CSMD1: variants seen among roughly 807,000 people sequenced by gnomAD.
The protein encoded by CSMD1 is CUB and sushi domain-containing protein 1.
A neutral mutation model predicts 417.5 loss-of-function variants in CSMD1; 213 were observed. The ratio of observed to expected loss-of-function variants is 0.51; its 90% confidence interval spans 0.46 to 0.57. CSMD1 has a LOEUF of 0.57. CSMD1 is among the 20% of genes least tolerant of loss of function. The probability of loss-of-function intolerance (pLI) is 0.00; values close to 1 mark genes in which losing one functional copy is unlikely to be tolerated. For synonymous variants in CSMD1, 2,862 were observed against 1,736.8 expected (o/e 1.65, Z -16.11); for missense variants, 6,923 against 4,529.7 (o/e 1.53, Z -15.17).
At chr8:3,784,757 T>C (rs530397535) in intron 5 of CSMD1, among the ~76,000 whole-genome samples, 66 of 152,302 alleles carry the variant, frequency 4.3e-4, no homozygotes, top group African/African-American at 1.5e-3. Context: ...CTAAGTAAAA[T>C]AAGATACAAT....
chr8:3,969,892 T>C (rs759980687), intron 5 of CSMD1, among the ~76,000 whole-genome samples: 1 of 152,120 alleles, frequency 6.6e-6, no homozygotes, highest in Non-Finnish European at 1.5e-5. Context: ...AAGCTCTGGA[T>C]AATTTGCAAA....
intron 5 of CSMD1, among the ~76,000 whole-genome samples, chr8:3,775,270 A>C (rs2720762): frequency 0.29 from 44,400 of 152,068 alleles, 7,927 homozygotes; most frequent in African/African-American, 0.51. Context: ...TGGAAGATTT[A>C]AAGACAGTGA....
At chr8:3,726,619 G>A (rs550676426) in intron 6 of CSMD1, among the ~76,000 whole-genome samples, 8 of 152,166 alleles carry the variant, frequency 5.3e-5, no homozygotes, top group Non-Finnish European at 5.9e-5. Context: ...TGTTACGAGG[G>A]TAGGTACATC....
At chr8:4,945,116 C>G (rs996025844) in intron 1 of CSMD1, among the ~76,000 whole-genome samples, 1 of 152,076 alleles carries the variant, frequency 6.6e-6, no homozygotes. Context: ...GGACCTCAAG[C>G]ACAATATAAT....
chr8:4,149,312 C>T lies in CSMD1; in HGVS notation c.416-117213G>A, dbSNP rs557989049. On this transcript the variant is annotated intron_variant, in intron 3 of 69. Coordinates refer to ENST00000635120, the MANE Select transcript of CSMD1 (RefSeq NM_033225.6). ...AAGTAAAGATAAGCTTTCACATATT[C>T]ACTGAGAATTTTTAAAACATCACTC... Among the ~76,000 whole-genome samples, 72 of 152,232 alleles carry T rather than the reference C, an allele frequency of 4.7e-4. No individual in the cohort carries two copies. The South Asian group carries it at 0.015, about 31-fold the overall frequency.
At chr8:3,911,506 C>G (rs1350410793) in intron 5 of CSMD1, among the ~76,000 whole-genome samples, 1 of 141,406 alleles carries the variant, frequency 7.1e-6, no homozygotes, top group Non-Finnish European at 1.5e-5. Context: ...CCAGCCTGGG[C>G]AACAGAGCAA....
chr8:3,327,674 C>T (rs80300827), intron 23 of CSMD1, among the ~76,000 whole-genome samples: 10 of 151,882 alleles, frequency 6.6e-5, no homozygotes, highest in Admixed American at 3.3e-4. Context: ...GGAATAGAAC[C>T]GAAGAAATGA....
chr8:4,757,857 G>C (rs911667586), intron 1 of CSMD1, among the ~76,000 whole-genome samples: 3 of 151,072 alleles, frequency 2.0e-5, no homozygotes, highest in African/African-American at 4.9e-5. Context: ...TACTGGGGAA[G>C]CTGAGGCAGA....
At chr8:4,470,344 G>A (rs925742608) in intron 2 of CSMD1, among the ~76,000 whole-genome samples, 4 of 152,200 alleles carry the variant, frequency 2.6e-5, no homozygotes, top group South Asian at 2.1e-4. Context: ...ACTTGACTAC[G>A]ATGGTTCAAC....
chr8:4,114,322 C>A (rs1802018804), intron 3 of CSMD1, among the ~76,000 whole-genome samples: 1 of 152,164 alleles, frequency 6.6e-6, no homozygotes, highest in South Asian at 2.1e-4. Context: ...CTGGATGAGA[C>A]CACATCTGTT....
intron 3 of CSMD1, among the ~76,000 whole-genome samples, chr8:4,285,715 G>C (rs1023583608): frequency 6.6e-6 from 1 of 152,166 alleles, no homozygotes; most frequent in East Asian, 1.9e-4. Context: ...AAAACAGTCA[G>C]GGCCACAGGC....
intron 5 of CSMD1, among the ~76,000 whole-genome samples, chr8:3,790,116 A>G (rs888139392): frequency 6.6e-6 from 1 of 152,248 alleles, no homozygotes; most frequent in Non-Finnish European, 1.5e-5. Context: ...TTAGCTGCTT[A>G]TAGTTATTTT....
chr8:3,653,326 TGTTTTGA>T (rs1278344179), intron 7 of CSMD1, among the ~76,000 whole-genome samples: 3 of 152,156 alleles, frequency 2.0e-5, no homozygotes, highest in Admixed American at 2.0e-4. Flanking sequence ...TTGTTGTTGT[TGTTTTGA>T]GATTCACTTT....
intron 1 of CSMD1, among the ~76,000 whole-genome samples, chr8:4,650,259 G>A (rs944868630): frequency 6.7e-6 from 1 of 149,232 alleles, no homozygotes; most frequent in Admixed American, 6.7e-5. Flanking sequence ...GCAGGAGAAT[G>A]GCGTGAACCC....
At position 2,962,458 on chromosome 8, in the gene CSMD1, A is replaced by G. The variant is rs775759076; in HGVS notation, c.9628+8T>C. 1 of 1,611,348 alleles carries G rather than the reference A, an allele frequency of 6.2e-7. No homozygotes were observed. The highest frequency in any genetic ancestry group is 1.7e-5 in the Admixed American group (1 of 59,906). The stretch of plus-strand genomic sequence containing the variant: ...CAGGTATCCCCAGAGCTGTATGATA[A>G]TTATTACCAATGCAGGTGGGTTGTA... On this transcript the variant is annotated splice_region_variant and intron_variant, in intron 61 of 69. Transcript: ENST00000635120.
chr8:4,546,640 G>C (rs899373729), intron 2 of CSMD1, among the ~76,000 whole-genome samples: 1 of 152,128 alleles, frequency 6.6e-6, no homozygotes, highest in African/African-American at 2.4e-5. Context: ...CTTTGGCCTT[G>C]GCTGAGTTAC....
intron 12 of CSMD1, among the ~76,000 whole-genome samples, chr8:3,447,953 G>A (rs956060895): frequency 1.3e-5 from 2 of 152,110 alleles, no homozygotes; most frequent in African/African-American, 2.4e-5. Flanking sequence ...CACCCCACAT[G>A]GGACAGAGCC....
chr8:4,944,465 G>C (rs978096108), intron 1 of CSMD1, among the ~76,000 whole-genome samples: 1 of 152,110 alleles, frequency 6.6e-6, no homozygotes, highest in Non-Finnish European at 1.5e-5. Context: ...ATCCTCATTT[G>C]ACTAACCCAG....
At chr8:3,384,720 AATATT>A (rs1810870889) in intron 18 of CSMD1, among the ~76,000 whole-genome samples, 1 of 118,286 alleles carries the variant, frequency 8.5e-6, no homozygotes, top group African/African-American at 3.4e-5. Context: ...ATATATTTAT[AATATT>A]TATATATATT....
Sources: allele counts gnomAD v4.1 joint callset (sites outside exome capture counted in the v4.1 genomes callset), GRCh38; gene constraint gnomAD v4.1.1; transcripts MANE v1.5; gene names NCBI Gene and HGNC (gene_info 2026-07-23, HGNC 2026-07-21).